Variants in QRICH2 observed in about 807,000 individuals in gnomAD.
The protein encoded by QRICH2 is glutamine rich 2, also known as glutamine-rich protein 2.
Under a neutral mutation model 168.3 loss-of-function variants are expected in QRICH2, and 119 were observed. The observed-to-expected ratio is 0.71, with a 90% CI of 0.61 to 0.82. The LOEUF is 0.82. QRICH2 is among the 40% of genes least tolerant of loss of function. The pLI is 0.00. For missense variants in QRICH2, 2,241 were observed against 2,491.6 expected (o/e 0.90, Z 2.14); for synonymous variants, 894 against 951.2 (o/e 0.94, Z 1.11).
At chr17:76,275,278 C>T (rs553113502) in intron 18 of QRICH2, among the ~76,000 whole-genome samples, 15 of 152,304 alleles carry the variant, frequency 9.8e-5, no homozygotes, top group African/African-American at 3.4e-4. Flanking sequence ...GGGGAGAGCC[C>T]TTGTCAAGAG....
chr17:76,305,165 CTTT>C (rs371179936), intron 1 of QRICH2, among the ~76,000 whole-genome samples: 11 of 129,958 alleles, frequency 8.5e-5, no homozygotes, highest in Admixed American at 2.3e-4. Flanking sequence ...TTTTGGTTTC[CTTT>C]TTTTTTTTTT....
In QRICH2 at chr17:76,289,085, C is replaced by T. The variant is rs1175080195; in HGVS notation, c.3798+907G>A. On this transcript the variant is annotated intron_variant, in intron 5 of 18. Coordinates refer to ENST00000680821, the MANE Select transcript of QRICH2 (RefSeq NM_001388453.1). ...CGCCACTGTACTCCAGCCTTGGCGA[C>T]AGAGTGAGACTGTGTCTCAAAAAAA... 2.2e-5 allele frequency among the ~76,000 whole-genome samples: 3 copies of T among 137,166 alleles called. No homozygotes were observed. The Admixed American group carries it at 2.4e-4, about 11-fold the overall frequency. The allele number at this position is 137,166 out of a possible 152,430, so 90.0% of individuals were successfully genotyped here.
At chr17:76,290,906 GA>G (rs2070974410) in intron 4 of QRICH2, 108 bp downstream of exon 4, 5 of 1,490,190 alleles carry the variant, frequency 3.4e-6, no homozygotes, top group Non-Finnish European at 4.5e-6. Flanking sequence ...TGTTTTCAGG[GA>G]CTCAGGGAGA....
intron 3 of QRICH2, among the ~76,000 whole-genome samples, chr17:76,298,774 C>T (rs1472515357): frequency 6.6e-6 from 1 of 152,132 alleles, no homozygotes; most frequent in Non-Finnish European, 1.5e-5. Context: ...TGCCACCACG[C>T]CCGGCTAATT....
upstream of QRICH2, chr17:76,310,072 G>A (rs2071053671): frequency 6.6e-6 from 1 of 150,724 alleles, no homozygotes; most frequent in Non-Finnish European, 1.5e-5. Context: ...TGCAATCTCT[G>A]CCTCTTGGGT....
At position 76,293,681 on chromosome 17, in the gene QRICH2, G is replaced by A; in HGVS notation, c.1046C>T (p.Thr349Ile). The A allele has an allele frequency of 6.2e-7, 1 of 1,614,196 alleles. No homozygotes were observed. The highest frequency in any genetic ancestry group is 1.1e-5 in the South Asian group (1 of 91,086). The change falls in exon 4 of 19, where the codon ACC becomes ATC. Residue 349 changes from threonine (T) to isoleucine (I), a missense_variant. This residue lies in a region of QRICH2 where 2,047 missense variants were observed against 2,303.8 expected (regional missense o/e 0.89). Transcript: ENST00000680821. Reference protein sequence around the residue: ...SDRHRSREKLTSTQPRRNARP... With the variant: ...SDRHRSREKLISTQPRRNARP... The stretch of plus-strand genomic sequence containing the variant: ...TGCATTTCTTCTTGGTTGTGTCGAG[G>A]TAAGCTTCTCTCTACTCCTGTGACG...
At chr17:76,310,745 T>C (rs2071062287), upstream of QRICH2, 1 of 151,782 alleles carries the variant, frequency 6.6e-6, no homozygotes, top group Non-Finnish European at 1.5e-5. Flanking sequence ...ACTCAGATTA[T>C]AGGTGTGAGC....
chr17:76,285,379 G>T (rs914532073), intron 7 of QRICH2, among the ~76,000 whole-genome samples: 35 of 151,528 alleles, frequency 2.3e-4, no homozygotes, highest in African/African-American at 8.2e-4. Context: ...TGATCCACCC[G>T]TCTGGGCCTC....
intron 3 of QRICH2, among the ~76,000 whole-genome samples, chr17:76,303,139 T>C (rs554981855): frequency 6.6e-6 from 1 of 152,206 alleles, no homozygotes; most frequent in Admixed American, 6.5e-5. Context: ...CCCCCTCGAC[T>C]TCTCAAAGTG....
At chr17:76,283,602 C>T (rs758288177) in intron 7 of QRICH2, among the ~76,000 whole-genome samples, 1 of 152,008 alleles carries the variant, frequency 6.6e-6, no homozygotes, top group Non-Finnish European at 1.5e-5. Flanking sequence ...GGGCCAGGCA[C>T]GTGGCTCACG....
At chr17:76,286,646 A>G (rs2070889598) in intron 7 of QRICH2, among the ~76,000 whole-genome samples, 1 of 152,110 alleles carries the variant, frequency 6.6e-6, no homozygotes, top group South Asian at 2.1e-4. Flanking sequence ...ATATATGATT[A>G]TATCATAAAA....
At chr17:76,284,646 G>A (rs1030577646) in intron 7 of QRICH2, among the ~76,000 whole-genome samples, 2 of 151,842 alleles carry the variant, frequency 1.3e-5, no homozygotes, top group Non-Finnish European at 1.5e-5. Context: ...GTGAAACCCC[G>A]TCTCTACTGA....
rs1249033386 is a variant in QRICH2, at chr17:76,281,886, T to C, written c.4241A>G (p.Lys1414Arg). 1.9e-6 allele frequency: 3 copies of C among 1,613,390 alleles called. No homozygotes were observed. Among genetic ancestry groups the C allele is most frequent in the Non-Finnish European group, 2.5e-6 (3 of 1,179,876 alleles). Reference sequence around the variant, plus strand: ...CACCTGTCTCTGGAGCTTGGCCTTCTTGGAGGGTCGGGAGACGGCCAGGCT... The same window carrying C: ...CACCTGTCTCTGGAGCTTGGCCTTCCTGGAGGGTCGGGAGACGGCCAGGCT... ...VNSLAVSRPS[K>R]KAKLQRQDEE... is the part of the protein sequence containing the mutation. Residue 1414 changes from lysine (K) to arginine (R), a missense_variant, in exon 8 of 19, where the codon AAG becomes AGG. This residue lies in a region of QRICH2 where 2,047 missense variants were observed against 2,303.8 expected (regional missense o/e 0.89). Coordinates refer to ENST00000680821, the MANE Select transcript of QRICH2 (RefSeq NM_001388453.1). The surrounding 1 kb of genome is among the most constrained non-coding windows in gnomAD (Gnocchi z 4.4).
intron 3 of QRICH2, among the ~76,000 whole-genome samples, chr17:76,301,903 TGTGTGTGTGTGTGTGA>T (rs2070909714): frequency 1.2e-5 from 1 of 85,384 alleles, no homozygotes. Context: ...TGTGTGTGTG[TGTGTGTGTGTGTGTGA>T]GACAGAGTCT....
At chr17:76,276,482 G>T (rs1451399862) in intron 17 of QRICH2, among the ~76,000 whole-genome samples, 198 bp downstream of exon 17, 1 of 152,234 alleles carries the variant, frequency 6.6e-6, no homozygotes, top group Non-Finnish European at 1.5e-5. Context: ...CCCAGCTGAT[G>T]GCTGAGGCTG....
intron 5 of QRICH2, among the ~76,000 whole-genome samples, chr17:76,289,059 G>C (rs1217900937): frequency 6.7e-6 from 1 of 150,220 alleles, no homozygotes; most frequent in Non-Finnish European, 1.5e-5. Context: ...AGCCGAGATT[G>C]CGCCACTGTA....
chr17:76,300,914 C>T (rs142219262), intron 3 of QRICH2, among the ~76,000 whole-genome samples: 1,902 of 152,172 alleles, frequency 0.012, 31 homozygotes, highest in Non-Finnish European at 0.014. Flanking sequence ...ATTAGCCGGG[C>T]GTGGTGGTGG....
chr17:76,301,446 TG>T, intron 3 of QRICH2: 1 of 249,592 alleles, frequency 4.0e-6, no homozygotes, highest in South Asian at 3.4e-5. Context: ...TACGCACCTG[TG>T]GTCCCAACTA....
chr17:76,280,946 T>A lies in QRICH2; in HGVS notation c.4271A>T (p.Glu1424Val), dbSNP rs1464145831. Residue 1424 changes from glutamate (E) to valine (V), a missense_variant, in exon 9 of 19, where the codon GAG becomes GTG. Physicochemically the swap from Glu to Val is moderately radical, Grantham distance 121. Coordinates refer to ENST00000680821, the MANE Select transcript of QRICH2 (RefSeq NM_001388453.1). The surrounding 1 kb of genome is among the most constrained non-coding windows in gnomAD (Gnocchi z 7.4). ...GGCACTCTGCACACGGCCCAGCAGC[T>A]CCTCGTCCTGCGGCAGGAGGGATGG... ...KKAKLQRQDE[E>V]LLGRVQSAIL... 4 of 1,609,698 alleles carry A rather than the reference T, an allele frequency of 2.5e-6. No homozygotes were observed. Among genetic ancestry groups the A allele is most frequent in the Non-Finnish European group, 2.5e-6 (3 of 1,179,922 alleles).
Sources: allele counts gnomAD v4.1 joint callset (sites outside exome capture counted in the v4.1 genomes callset), GRCh38; gene constraint gnomAD v4.1.1; regional missense constraint gnomAD v4.1.1; non-coding constraint Gnocchi (gnomAD v3.1); transcripts MANE v1.5; gene names NCBI Gene and HGNC (gene_info 2026-07-23, HGNC 2026-07-21).